ARHGAP44: variants seen among roughly 807,000 people sequenced by gnomAD.
The protein encoded by ARHGAP44 is Rho GTPase activating protein 44.
A neutral mutation model predicts 106.8 loss-of-function variants in ARHGAP44; 43 were observed. The observed-to-expected ratio is 0.40, with a 90% CI of 0.32 to 0.52. The LOEUF (loss-of-function observed/expected upper bound fraction) is 0.52. Ranked by LOEUF, ARHGAP44 falls within the 20% of genes least tolerant of loss-of-function variation. The pLI, the probability that ARHGAP44 is intolerant of heterozygous loss-of-function variation, is 0.48. For synonymous variants in ARHGAP44, 439 were observed against 410.3 expected (o/e 1.07, Z -0.85); for missense variants, 866 against 1,050.5 (o/e 0.82, Z 2.43).
chr17:12,808,226 C>T (rs750800628), intron 1 of ARHGAP44, among the ~76,000 whole-genome samples: 10 of 152,220 alleles, frequency 6.6e-5, no homozygotes, highest in South Asian at 2.1e-4. Flanking sequence ...CTTTTCCAGA[C>T]GCATGGTACA....
At chr17:12,989,100 C>CA (rs2040035326) in intron 20 of ARHGAP44, among the ~76,000 whole-genome samples, 38 of 32,018 alleles carry the variant, frequency 1.2e-3, no homozygotes, top group Non-Finnish European at 2.4e-3. Context: ...TCCACCCCCC[C>CA]CAAAAAAAAA....
chr17:12,917,147 TAGTC>T (rs2150951685), intron 5 of ARHGAP44: 1 of 154,474 alleles, frequency 6.5e-6, no homozygotes, highest in African/African-American at 2.4e-5. Context: ...AACTCTGTAT[TAGTC>T]AGGGTTCTCC....
chr17:12,986,634 C>T (rs897367490), intron 20 of ARHGAP44: 2 of 131,722 alleles, frequency 1.5e-5, no homozygotes, highest in African/African-American at 5.9e-5. Flanking sequence ...GAGATTGTGC[C>T]ACTGCATTCC....
At chr17:12,931,942 T>C (rs570908524) in intron 7 of ARHGAP44, among the ~76,000 whole-genome samples, 9 of 152,254 alleles carry the variant, frequency 5.9e-5, no homozygotes, top group African/African-American at 1.9e-4. Flanking sequence ...GTTTTAGTTT[T>C]AGTTTTTGGC....
intron 3 of ARHGAP44, among the ~76,000 whole-genome samples, chr17:12,903,140 AGTGTGTGTGTGTGTGT>A (rs546197652): frequency 1.5e-3 from 84 of 57,590 alleles, no homozygotes; most frequent in African/African-American, 4.1e-3. Flanking sequence ...AGAGAGAGAG[AGTGTGTGTGTGTGTGT>A]GTGTGTGTGT....
intron 1 of ARHGAP44, among the ~76,000 whole-genome samples, chr17:12,864,485 T>C (rs1252717795): frequency 6.6e-6 from 1 of 152,070 alleles, no homozygotes; most frequent in Non-Finnish European, 1.5e-5. Context: ...CTAGTATTCT[T>C]CCAGTGCCTC....
At position 12,906,754 on chromosome 17, in the gene ARHGAP44, G is replaced by A. The variant is rs772399075; in HGVS notation, c.199-2143G>A. Among the ~76,000 whole-genome samples the A allele has an allele frequency of 3.3e-5, 5 of 152,132 alleles. No homozygotes were observed. The Middle Eastern group carries it at 0.017, about 521-fold the overall frequency. On this transcript the variant is annotated intron_variant, in intron 3 of 20. Coordinates refer to ENST00000379672, the MANE Select transcript of ARHGAP44 (RefSeq NM_014859.6). ...GTTCAAGACCAGCTTGGGAAACATA[G>A]TGAGACACCATCTCTACAAAAAATT... is the stretch of plus-strand genomic sequence containing the variant.
intron 1 of ARHGAP44, among the ~76,000 whole-genome samples, chr17:12,812,335 G>A (rs1039658074): frequency 2.0e-5 from 3 of 152,146 alleles, no homozygotes; most frequent in African/African-American, 7.2e-5. Flanking sequence ...ATTTCGGTTG[G>A]ACTTCGGAAG....
At chr17:12,898,973 ATT>A (rs2037295351) in intron 3 of ARHGAP44, among the ~76,000 whole-genome samples, 4 of 151,568 alleles carry the variant, frequency 2.6e-5, no homozygotes, top group Admixed American at 6.6e-5. Context: ...TTATTTATTT[ATT>A]TATTTATTTA....
rs143778284 is a variant in ARHGAP44, at chr17:12,932,011, T to C, written c.582+2965T>C. On this transcript the variant is annotated intron_variant, in intron 7 of 20. Transcript: ENST00000379672. ...TATGTATATCCTTATACCCTGGTAA[T>C]TTTTTTTCTATAGGATAGATTCCAA... Among the ~76,000 whole-genome samples the C allele has an allele frequency of 9.6e-3, 1,445 of 150,302 alleles. 25 individuals are homozygous for C. Among genetic ancestry groups the C allele is most frequent in the African/African-American group, 0.034 (1,383 of 41,002 alleles).
At chr17:12,824,630 T>A (rs2034866493) in intron 1 of ARHGAP44, among the ~76,000 whole-genome samples, 1 of 152,138 alleles carries the variant, frequency 6.6e-6, no homozygotes, top group African/African-American at 2.4e-5. Context: ...TAGCCAGAGT[T>A]GTCTTCAATA....
At chr17:12,984,503 T>C in intron 19 of ARHGAP44, 28 bp from the exon 20 acceptor site, 4 of 1,503,640 alleles carry the variant, frequency 2.7e-6, no homozygotes, top group South Asian at 2.7e-5. Flanking sequence ...CTTTGTGTTT[T>C]GTTGTTGTGT....
At chr17:12,815,123 C>G (rs1279736058) in intron 1 of ARHGAP44, among the ~76,000 whole-genome samples, 9 of 145,216 alleles carry the variant, frequency 6.2e-5, no homozygotes, top group Non-Finnish European at 1.2e-4. Flanking sequence ...GCAGGTTGTT[C>G]TTTTGATTTT....
rs562428248 is a variant in ARHGAP44 at position 12,949,383 on chromosome 17, T to C, written c.973+132T>C. On this transcript the variant is annotated intron_variant, in intron 11 of 20. Coordinates refer to ENST00000379672, the MANE Select transcript of ARHGAP44 (RefSeq NM_014859.6). This position sits in a 1 kb window ranked among gnomAD's most constrained non-coding sequence, Gnocchi z 4.1. ...AAGCACTTCAGATGTGTCCACTCAG[T>C]GCCCAGTTTCAGGGCTGGGTGCTCT... The C allele has an allele frequency of 1.9e-5, 19 of 1,018,180 alleles. No individual in the cohort carries two copies. The highest frequency in any genetic ancestry group is 1.6e-4 in the African/African-American group (10 of 62,562). 63.1% of individuals were successfully genotyped at this position (1,018,180 alleles called of 1,614,324 possible). A position where few individuals can be genotyped will look rare whatever the true frequency, so the allele number is the denominator to read the frequency against.
intron 1 of ARHGAP44, among the ~76,000 whole-genome samples, chr17:12,815,752 C>T (rs1356488710): frequency 6.6e-6 from 1 of 152,140 alleles, no homozygotes; most frequent in Admixed American, 6.5e-5. Context: ...TCTTTCCTCT[C>T]CTTTTATTGC....
chr17:12,951,541 A>C (rs1007186902), intron 12 of ARHGAP44, among the ~76,000 whole-genome samples: 4 of 152,206 alleles, frequency 2.6e-5, no homozygotes, highest in African/African-American at 7.2e-5. Flanking sequence ...AGTTAGATAA[A>C]GGCAGGATAG....
At chr17:12,962,377 C>T (rs1031384265) in intron 16 of ARHGAP44, among the ~76,000 whole-genome samples, 4 of 152,124 alleles carry the variant, frequency 2.6e-5, no homozygotes, top group Non-Finnish European at 5.9e-5. Flanking sequence ...CATTTTTCAT[C>T]ATTGTGGTAG....
At chr17:12,880,808 A>G (rs150206036) in intron 1 of ARHGAP44, among the ~76,000 whole-genome samples, 2 of 152,200 alleles carry the variant, frequency 1.3e-5, no homozygotes, top group Admixed American at 6.5e-5. Context: ...TCATTGTCAG[A>G]TATACAAAAT....
At position 12,789,882 on chromosome 17, in the gene ARHGAP44, C is replaced by T. The variant is rs866209566; in HGVS notation, c.44C>T (p.Thr15Met). 1 of 1,521,728 alleles carries T rather than the reference C, an allele frequency of 6.6e-7. No homozygotes were observed. Among genetic ancestry groups the T allele is most frequent in the East Asian group, 2.7e-5 (1 of 36,438 alleles). The allele number at this position is 1,521,728 out of a possible 1,614,324, so 94.3% of individuals were successfully genotyped here. The change falls in exon 1 of 21, where the codon ACG (threonine) becomes ATG (methionine). Residue 15 changes from threonine (T) to methionine (M), a missense_variant. Physicochemically the swap from Thr to Met is moderately conservative, Grantham distance 81. Coordinates refer to ENST00000379672, the MANE Select transcript of ARHGAP44 (RefSeq NM_014859.6). ...CGCATGCGCCAGCTGGCCAACCAGA[C>T]GGTGGGCAGGTAGGTCACCCGCGGG... ...FNRMRQLANQ[T>M]VGRAEKTEVL... is the part of the protein sequence containing the mutation.
Sources: gnomAD v4.1 joint callset for allele counts (sites outside exome capture counted in the v4.1 genomes callset) on GRCh38, gnomAD v4.1.1 for gene constraint, Gnocchi (gnomAD v3.1) non-coding constraint, MANE v1.5 for transcripts, NCBI Gene and HGNC (gene_info 2026-07-23, HGNC 2026-07-21) for gene names.